The following UTS2B variants were observed in gnomAD, a reference collection of about 807,000 sequenced individuals.
UTS2B encodes the protein urotensin 2B.
Under a neutral mutation model 19.2 loss-of-function variants are expected in UTS2B, and 21 were observed. The observed-to-expected ratio is 1.09, with a 90% CI of 0.78 to 1.58. The LOEUF (loss-of-function observed/expected upper bound fraction) is 1.58. UTS2B is among the 40% of genes most tolerant of loss of function. UTS2B has a pLI of 0.00. For synonymous variants in UTS2B, 57 were observed against 50.2 expected (o/e 1.14, Z -0.58); for missense variants, 138 against 130.3 (o/e 1.06, Z -0.29).
the UTS2B span, among the ~76,000 whole-genome samples, chr3:191,342,222 A>T: frequency 1.3e-5 from 2 of 152,256 alleles, no homozygotes; most frequent in African/African-American, 4.8e-5. Flanking sequence ...AATAGTTATC[A>T]GAATGGAATT....
chr3:191,341,284 C>T, the UTS2B span, among the ~76,000 whole-genome samples: 1 of 152,152 alleles, frequency 6.6e-6, no homozygotes, highest in Non-Finnish European at 1.5e-5. Context: ...ATTTATTGAG[C>T]TGCTGCTTAG....
At chr3:191,340,151 G>A in the UTS2B span, among the ~76,000 whole-genome samples, 1 of 152,222 alleles carries the variant, frequency 6.6e-6, no homozygotes, top group Non-Finnish European at 1.5e-5. Context: ...AATTTAATCT[G>A]TCTCCTCACA....
chr3:191,286,363 C>T (rs115501478), intron 4 of UTS2B, among the ~76,000 whole-genome samples: 13 of 150,716 alleles, frequency 8.6e-5, no homozygotes, highest in East Asian at 2.0e-4. Flanking sequence ...CTCCAGGATA[C>T]GTCATGTATT....
In UTS2B at chr3:191,316,389, A is replaced by G. The variant is rs1034760410; in HGVS notation, c.-535T>C. ...GCTGCAGACCTTCGCGGTGAGTGCT[A>G]CAGCTCTTATGGGCAGTGCAGACCC... On this transcript the variant is annotated 5_prime_UTR_variant, in exon 3 of 9. Transcript: ENST00000340524. The G allele has an allele frequency of 6.6e-6, 1 of 152,408 alleles. No individual in the cohort carries two copies. The highest frequency in any genetic ancestry group is 2.4e-5 in the African/African-American group (1 of 41,456). 9.4% of individuals were successfully genotyped at this position (152,408 alleles called of 1,614,324 possible). A position where few individuals can be genotyped will look rare whatever the true frequency, so the allele number is the denominator to read the frequency against.
chr3:191,289,708 T>C (rs1489063734), intron 4 of UTS2B, among the ~76,000 whole-genome samples: 1 of 152,170 alleles, frequency 6.6e-6, no homozygotes, highest in East Asian at 1.9e-4. Context: ...TTATTTGTCA[T>C]AATTTCACTT....
intron 4 of UTS2B, among the ~76,000 whole-genome samples, chr3:191,298,413 G>T (rs1716912849): frequency 6.6e-6 from 1 of 152,104 alleles, no homozygotes; most frequent in East Asian, 1.9e-4. Flanking sequence ...ATGAGATCTG[G>T]TTGTTTAAAA....
intron 8 of UTS2B, among the ~76,000 whole-genome samples, chr3:191,269,532 G>A (rs1354224650): frequency 6.6e-6 from 1 of 150,698 alleles, no homozygotes; most frequent in Non-Finnish European, 1.5e-5. Context: ...AAAAGATGAG[G>A]CTTCTCACTA....
Position 191,267,192 on chromosome 3 carries a change from T to C in UTS2B, c.*1224A>G, listed in dbSNP as rs1328440214. 3 of 152,204 alleles carry C rather than the reference T, an allele frequency of 2.0e-5. No individual in the cohort carries two copies. Among genetic ancestry groups the C allele is most frequent in the African/African-American group, 7.2e-5 (3 of 41,462 alleles). The allele number at this position is 152,204 out of a possible 1,614,324, so 9.4% of individuals were successfully genotyped here. ...ATGCTTTTCAAAATGTTTTAATTAATAGTTCAACAGCATAGTCACAACAGG... is the reference window on the plus strand; with the variant it reads ...ATGCTTTTCAAAATGTTTTAATTAACAGTTCAACAGCATAGTCACAACAGG... On this transcript the variant is annotated 3_prime_UTR_variant, in exon 9 of 9. Transcript: ENST00000340524.
At chr3:191,290,463 T>C (rs893632872) in intron 4 of UTS2B, among the ~76,000 whole-genome samples, 4 of 152,152 alleles carry the variant, frequency 2.6e-5, no homozygotes, top group Non-Finnish European at 5.9e-5. Context: ...ACAACTATAA[T>C]TTTTCATCTT....
chr3:191,289,047 T>C (rs941188768), intron 4 of UTS2B, among the ~76,000 whole-genome samples: 5 of 152,136 alleles, frequency 3.3e-5, no homozygotes, highest in African/African-American at 1.2e-4. Context: ...AAAGACCTTA[T>C]GGAGAGTCCT....
At chr3:191,321,333 C>A (rs567524089) in intron 2 of UTS2B, among the ~76,000 whole-genome samples, 2 of 152,192 alleles carry the variant, frequency 1.3e-5, no homozygotes, top group Admixed American at 6.5e-5. Context: ...TTTAGTAAGA[C>A]CTTTTAACTA....
At chr3:191,274,841 T>C (rs1354838852) in intron 8 of UTS2B, among the ~76,000 whole-genome samples, 3 of 152,186 alleles carry the variant, frequency 2.0e-5, no homozygotes, top group Non-Finnish European at 4.4e-5. Flanking sequence ...CTTTCTAAAA[T>C]TAAATGCTAT....
chr3:191,284,947 T>C (rs2117542), intron 4 of UTS2B, among the ~76,000 whole-genome samples: 76,732 of 151,800 alleles, frequency 0.51, 21,141 homozygotes, highest in Middle Eastern at 0.63. Context: ...AAAGGGAGCT[T>C]TTCGTGCTGA....
In UTS2B at chr3:191,316,328, C is replaced by T. The variant is rs74445288; in HGVS notation, c.-474G>A. Reference sequence around the variant, plus strand: ...GCGTCCGGAATTTGTTCATTTCTCCCGGTAGGTTCGTGGTCTCTCTGGTTT... The same window carrying T: ...GCGTCCGGAATTTGTTCATTTCTCCTGGTAGGTTCGTGGTCTCTCTGGTTT... On this transcript the variant is annotated 5_prime_UTR_variant, in exon 3 of 9. Coordinates refer to ENST00000340524, the MANE Select transcript of UTS2B (RefSeq NM_198152.5). 0.054 allele frequency: 8,218 copies of T among 152,594 alleles called. 752 individuals are homozygous for T. The highest frequency in any genetic ancestry group is 0.19 in the African/African-American group (7,792 of 41,520). 9.5% of individuals were successfully genotyped at this position (152,594 alleles called of 1,614,324 possible).
intron 2 of UTS2B, among the ~76,000 whole-genome samples, chr3:191,317,103 T>C (rs2070676716): frequency 6.6e-6 from 1 of 152,152 alleles, no homozygotes; most frequent in African/African-American, 2.4e-5. Flanking sequence ...GCAGAGCCCA[T>C]GGGGGTGGGG....
intron 4 of UTS2B, among the ~76,000 whole-genome samples, chr3:191,300,908 T>C (rs1716982143): frequency 6.6e-6 from 1 of 152,248 alleles, no homozygotes; most frequent in Non-Finnish European, 1.5e-5. Flanking sequence ...TGCAAAACCA[T>C]ACAATAAGTA....
At chr3:191,319,677 G>C (rs918447817) in intron 2 of UTS2B, among the ~76,000 whole-genome samples, 1 of 148,980 alleles carries the variant, frequency 6.7e-6, no homozygotes, top group Non-Finnish European at 1.5e-5. Context: ...GGCCAACGTG[G>C]TGAAACCCTG....
chr3:191,297,542 T>C (rs984124782), intron 4 of UTS2B, among the ~76,000 whole-genome samples: 4 of 152,232 alleles, frequency 2.6e-5, no homozygotes, highest in Non-Finnish European at 4.4e-5. Flanking sequence ...TTCTTTCATA[T>C]TCTTGTAGCA....
rs570204867 is a variant in UTS2B, at chr3:191,276,392, G to T, written c.240+415C>A. Among the ~76,000 whole-genome samples the T allele has an allele frequency of 1.4e-4, 21 of 152,294 alleles. 2 individuals are homozygous for T. In the South Asian group the frequency reaches 4.4e-3, roughly 32 times the overall value. On this transcript the variant is annotated intron_variant, in intron 7 of 8. Transcript: ENST00000340524. ...CCAGCTGCTTCAAGCCAAACAGCTT[G>T]ACTTTTACATGTTTCATTTGCTGGG...
Sources: allele counts gnomAD v4.1 joint callset (sites outside exome capture counted in the v4.1 genomes callset), GRCh38; gene constraint gnomAD v4.1.1; transcripts MANE v1.5; gene names NCBI Gene and HGNC (gene_info 2026-07-23, HGNC 2026-07-21).